The following N4BP2L2 variants were observed in gnomAD, a reference collection of about 807,000 sequenced individuals.
The protein encoded by N4BP2L2 is NEDD4-binding protein 2-like 2.
Under a neutral mutation model 56.2 loss-of-function variants are expected in N4BP2L2, and 50 were observed. The ratio of observed to expected loss-of-function variants is 0.89; its 90% CI spans 0.71 to 1.13. The LOEUF (loss-of-function observed/expected upper bound fraction) is 1.13. N4BP2L2 is among the 50% of genes most tolerant of loss of function. The pLI is 0.00. For missense variants in N4BP2L2, 689 were observed against 693.8 expected, an observed-to-expected ratio of 0.99 and a Z score of 0.08; for synonymous variants, 203 against 223.6, an observed-to-expected ratio of 0.91 and a Z score of 0.82.
intron 6 of N4BP2L2, chr13:32,480,477 G>A (rs141017001): frequency 6.2e-5 from 29 of 471,222 alleles, no homozygotes; most frequent in Middle Eastern, 1.2e-3. Context: ...TTAGTTGGAC[G>A]GCATCATATT....
intron 2 of N4BP2L2, among the ~76,000 whole-genome samples, chr13:32,532,161 T>C (rs756673411): frequency 2.0e-5 from 3 of 152,172 alleles, no homozygotes; most frequent in Non-Finnish European, 2.9e-5. Flanking sequence ...TATGCACAGG[T>C]TTTAGGGATT....
chr13:32,495,147 T>C (rs1362992811), intron 6 of N4BP2L2, among the ~76,000 whole-genome samples: 1 of 152,218 alleles, frequency 6.6e-6, no homozygotes, highest in East Asian at 1.9e-4. Context: ...CAAACTGCTA[T>C]GGATACTCAA....
At chr13:32,470,983 A>G (rs989316463) in intron 6 of N4BP2L2, among the ~76,000 whole-genome samples, 1 of 152,220 alleles carries the variant, frequency 6.6e-6, no homozygotes, top group Non-Finnish European at 1.5e-5. Context: ...CTAGCCTAGT[A>G]CTGACACCAT....
chr13:32,441,056 T>C (rs1269563362), intron 7 of N4BP2L2, among the ~76,000 whole-genome samples: 7 of 152,022 alleles, frequency 4.6e-5, no homozygotes, highest in Non-Finnish European at 1.0e-4. Flanking sequence ...GTTTTCGTCA[T>C]GTTAGCCAGG....
At chr13:32,458,246 T>C (rs1015482440) in intron 6 of N4BP2L2, among the ~76,000 whole-genome samples, 1 of 152,142 alleles carries the variant, frequency 6.6e-6, no homozygotes, top group Non-Finnish European at 1.5e-5. Flanking sequence ...TTGTATTTTT[T>C]AGTAGAGACG....
At chr13:32,445,627 T>TC (rs1238017969) in intron 6 of N4BP2L2, among the ~76,000 whole-genome samples, 2 of 152,208 alleles carry the variant, frequency 1.3e-5, no homozygotes, top group African/African-American at 4.8e-5. Flanking sequence ...CTCTGTGGGG[T>TC]ACTTGGAAAT....
chr13:32,450,486 G>T (rs1173661720), intron 6 of N4BP2L2, among the ~76,000 whole-genome samples: 2 of 151,680 alleles, frequency 1.3e-5, no homozygotes, highest in African/African-American at 4.8e-5. Flanking sequence ...AACCATGCCC[G>T]GTTAATTTTT....
intron 6 of N4BP2L2, among the ~76,000 whole-genome samples, chr13:32,459,359 A>G (rs1374555987): frequency 6.6e-6 from 1 of 152,066 alleles, no homozygotes; most frequent in South Asian, 2.1e-4. Context: ...GTTTTTTTTG[A>G]GATGATAAAC....
rs559677092 is a variant in N4BP2L2 at position 32,436,868 on chromosome 13, T to C, written c.2191-463A>G. Among the ~76,000 whole-genome samples, 33 of 130,628 alleles carry C rather than the reference T, an allele frequency of 2.5e-4. 1 individual carries two copies. The highest frequency in any genetic ancestry group is 6.5e-4 in the South Asian group (3 of 4,590). The allele number at this position is 130,628 out of a possible 152,430, so 85.7% of individuals were successfully genotyped here. On this transcript the variant is annotated intron_variant, in intron 8 of 9. Transcript: ENST00000357505. The stretch of plus-strand genomic sequence containing the variant: ...CTATAAATATCTAATATCTATCTAT[T>C]TATTTATTTATTTATTTATTTATTT...
intron 6 of N4BP2L2, chr13:32,477,919 A>C: frequency 7.8e-7 from 1 of 1,289,414 alleles, no homozygotes; most frequent in Non-Finnish European, 1.0e-6. Flanking sequence ...GAAAGTGATC[A>C]ATGTGTCAGT....
intron 3 of N4BP2L2, among the ~76,000 whole-genome samples, chr13:32,526,187 T>C (rs1424829282): frequency 6.6e-6 from 1 of 152,120 alleles, no homozygotes; most frequent in Admixed American, 6.6e-5. Context: ...ACAAACAACA[T>C]AGTTTCTGCA....
chr13:32,504,004 A>T (rs987303964), intron 6 of N4BP2L2, among the ~76,000 whole-genome samples: 1 of 152,226 alleles, frequency 6.6e-6, no homozygotes, highest in African/African-American at 2.4e-5. Flanking sequence ...ACTCTCTTAA[A>T]AAATAAATAA....
At chr13:32,451,137 G>A (rs534405817) in intron 6 of N4BP2L2, among the ~76,000 whole-genome samples, 16 of 152,074 alleles carry the variant, frequency 1.1e-4, no homozygotes, top group African/African-American at 3.1e-4. Context: ...AATAAACTTC[G>A]AAAAAGTAGA....
Position 32,538,736 on chromosome 13 carries a change from G to A in N4BP2L2, c.-119C>T, listed in dbSNP as rs1385271961. 4 of 985,296 alleles carry A rather than the reference G, an allele frequency of 4.1e-6. No individual in the cohort carries two copies. The African/African-American group carries it at 7.0e-5, about 17-fold the overall frequency. 61.0% of individuals were successfully genotyped at this position (985,296 alleles called of 1,614,324 possible). On this transcript the variant is annotated 5_prime_UTR_variant, in exon 1 of 6. Transcript: ENST00000267068. ...CAGCACTAAAGCCGAGGTCTGGAGG[G>A]ACTAAAAGCCCACCTCTCAGAATCG...
At chr13:32,474,240 T>C (rs982624163) in intron 6 of N4BP2L2, among the ~76,000 whole-genome samples, 6 of 152,020 alleles carry the variant, frequency 3.9e-5, no homozygotes, top group African/African-American at 1.4e-4. Context: ...GTTAATGATT[T>C]TGAATGTAGG....
At chr13:32,512,354 G>T (rs1190594911) in exon 6 of N4BP2L2, 1 of 152,110 alleles carries the variant, frequency 6.6e-6, no homozygotes, top group Non-Finnish European at 1.5e-5. Flanking sequence ...ATGCAATTGT[G>T]TCTAGTTTTG....
chr13:32,441,825 C>CCT, intron 7 of N4BP2L2, among the ~76,000 whole-genome samples: 1 of 149,646 alleles, frequency 6.7e-6, no homozygotes, highest in Admixed American at 6.6e-5. Flanking sequence ...GGGCGGATCA[C>CCT]GAGGTCAGGA....
At chr13:32,506,702 A>C (rs1364507090), downstream of N4BP2L2, 2 of 152,184 alleles carry the variant, frequency 1.3e-5, no homozygotes, top group Admixed American at 1.3e-4. Context: ...TGTACATAGA[A>C]TTTTTTAGCA....
exon 6 of N4BP2L2, chr13:32,512,798 G>A (rs758613746): frequency 2.2e-4 from 34 of 151,720 alleles, no homozygotes; most frequent in South Asian, 4.2e-4. Context: ...TTGGGAGGCC[G>A]AGGCGGGTGG....
Sources: allele counts gnomAD v4.1 joint callset (sites outside exome capture counted in the v4.1 genomes callset), GRCh38; gene constraint gnomAD v4.1.1; transcripts MANE v1.5; gene names NCBI Gene and HGNC (gene_info 2026-07-23, HGNC 2026-07-21).